Variants in EML5 observed in about 807,000 individuals in gnomAD.
EML5 encodes echinoderm microtubule-associated protein-like 5.
A neutral mutation model predicts 250.0 loss-of-function variants in EML5; 120 were observed. The observed-to-expected ratio is 0.48, with a 90% confidence interval of 0.41 to 0.56. The LOEUF (loss-of-function observed/expected upper bound fraction) is 0.56. EML5 is among the 20% of genes least tolerant of loss of function. The pLI is 0.00. For missense variants in EML5, 2,006 were observed against 2,437.6 expected, an observed-to-expected ratio of 0.82 and a Z score of 3.73; for synonymous variants, 771 against 806.5, an observed-to-expected ratio of 0.96 and a Z score of 0.75.
At position 88,663,083 on chromosome 14, in the gene EML5, T is replaced by C; in HGVS notation, c.3446A>G (p.Gln1149Arg). 6.4e-7 allele frequency: 1 copy of C among 1,554,046 alleles called. No homozygotes were observed. Among genetic ancestry groups the C allele is most frequent in the Non-Finnish European group, 8.7e-7 (1 of 1,148,018 alleles). ...LLQVNTGAKE[Q>R]LFFEAPRGKK... is the part of the protein sequence containing the mutation. ...CCCTCTGGGAGCTTCAAAGAATAAT[T>C]GTTCCTTAGCACCAGTGTTGACCTG... Residue 1149 changes from glutamine (Q) to arginine (R), a missense_variant, in exon 24 of 44, where the codon CAA becomes CGA. This residue lies in a region of EML5 where 1,375 missense variants were observed against 1,590.3 expected (regional missense o/e 0.86). Coordinates refer to ENST00000554922, the MANE Select transcript of EML5 (RefSeq NM_183387.3).
In EML5 at chr14:88,685,113, GTA is replaced by G; in HGVS notation, c.2882_2883del (p.Ile961ThrfsTer18). 1 of 1,600,894 alleles carries G rather than the reference GTA, an allele frequency of 6.2e-7. No homozygotes were observed. The highest frequency in any genetic ancestry group is 8.5e-7 in the Non-Finnish European group (1 of 1,174,008). On this transcript the variant is annotated frameshift_variant, in exon 20 of 44. Transcript: ENST00000554922. LOFTEE classifies it high-confidence loss of function. ...KGLLLEDNPS[I>X]RAISLGHGHI... ...TGACCATGTCCTAATGATATGGCAC[GTA>G]TAGATGGATTATCTTCCAAGAGAAG... is the stretch of plus-strand genomic sequence containing the variant.
At chr14:88,736,297 C>G in intron 7 of EML5, 67 bp downstream of exon 7, 1 of 1,562,982 alleles carries the variant, frequency 6.4e-7, no homozygotes. Context: ...CAGTGCCTGG[C>G]CATGTTTTCT....
intron 7 of EML5, among the ~76,000 whole-genome samples, chr14:88,731,337 C>T (rs1051079753): frequency 8.1e-4 from 121 of 149,410 alleles, no homozygotes; most frequent in African/African-American, 2.5e-3. Context: ...TTTGTCCTTG[C>T]GATAGTTTGC....
At chr14:88,723,777 A>T (rs1178992437) in intron 8 of EML5, among the ~76,000 whole-genome samples, 1 of 152,200 alleles carries the variant, frequency 6.6e-6, no homozygotes, top group Non-Finnish European at 1.5e-5. Flanking sequence ...ATAAATTTTT[A>T]AAAAGGCAGA....
Position 88,695,213 on chromosome 14 carries a change from GAT to G in EML5, c.2438+146_2438+147del. The G allele has an allele frequency of 2.0e-5, 7 of 350,172 alleles. 2 individuals carry two copies. The highest frequency in any genetic ancestry group is 7.2e-5 in the South Asian group (2 of 27,636). 21.7% of individuals were successfully genotyped at this position (350,172 alleles called of 1,614,324 possible). On this transcript the variant is annotated intron_variant, in intron 16 of 43. Coordinates refer to ENST00000554922, the MANE Select transcript of EML5 (RefSeq NM_183387.3). ...AAGAAATTCTGAAATCATTTACTAT[GAT>G]TATATTATTTATTCAATGGTAATAA...
At chr14:88,622,491 C>T (rs148214166) in intron 37 of EML5, 113 bp downstream of exon 37, 1 of 810,048 alleles carries the variant, frequency 1.2e-6, no homozygotes, top group East Asian at 3.0e-5. Flanking sequence ...GCAAGCAAAT[C>T]CATCGTTATG....
In EML5 at chr14:88,643,061, T is replaced by C. The variant is rs765292228; in HGVS notation, c.4108-39A>G. On this transcript the variant is annotated intron_variant, in intron 30 of 43. Transcript: ENST00000554922. Reference sequence around the variant, plus strand: ...AATAAAACCATTATATTCTTCCTCATGTATAAATGTTCACCACTGTTTTGT... The same window carrying C: ...AATAAAACCATTATATTCTTCCTCACGTATAAATGTTCACCACTGTTTTGT... 5.9e-6 allele frequency: 9 copies of C among 1,527,538 alleles called. No homozygotes were observed. In the African/African-American group the frequency reaches 1.0e-4, roughly 17 times the overall value. The allele number at this position is 1,527,538 out of a possible 1,614,324, so 94.6% of individuals were successfully genotyped here.
rs532283705 is a variant in EML5, at chr14:88,747,204, G to A, written c.358-921C>T. On this transcript the variant is annotated intron_variant, in intron 2 of 43. Transcript: ENST00000554922. ...AGGCAGGTGGATTGCTTGAGGCCAG[G>A]AGATTGAGACCAGCCTGGGCAACAC... Among the ~76,000 whole-genome samples, 13 of 152,212 alleles carry A rather than the reference G, an allele frequency of 8.5e-5. 1 individual carries two copies. The South Asian group carries it at 2.7e-3, about 32-fold the overall frequency.
At position 88,655,962 on chromosome 14, in the gene EML5, A is replaced by C. The variant is rs368140827; in HGVS notation, c.4004+1414T>G. ...GAATGGTGATCATTAAAAAGTCAGGAAACAACAGATGCTGGAGAAGATGTG... is the reference window on the plus strand; with the variant it reads ...GAATGGTGATCATTAAAAAGTCAGGCAACAACAGATGCTGGAGAAGATGTG... On this transcript the variant is annotated intron_variant, in intron 27 of 43. Transcript: ENST00000554922. Among the ~76,000 whole-genome samples, 32 of 152,328 alleles carry C rather than the reference A, an allele frequency of 2.1e-4. 1 individual carries two copies. The East Asian group carries it at 3.5e-3, about 17-fold the overall frequency.
Position 88,687,274 on chromosome 14 carries a change from A to C in EML5, c.2796T>G (p.Phe932Leu), listed in dbSNP as rs780788833. 24 of 1,612,524 alleles carry C rather than the reference A, an allele frequency of 1.5e-5. No homozygotes were observed. The highest frequency in any genetic ancestry group is 3.3e-5 in the Admixed American group (2 of 59,858). The change falls in exon 19 of 44, where the codon TTT becomes TTG. Residue 932 changes from phenylalanine to leucine, a missense_variant. Transcript: ENST00000554922. ...DGIVALWDDS[F>L]ERCLKTYAIK... Reference sequence around the variant, plus strand: ...TAGCATAGGTCTTGAGACATCTTTCAAAAGAGTCATCCCAAAGAGCTACTA... The same window carrying C: ...TAGCATAGGTCTTGAGACATCTTTCCAAAGAGTCATCCCAAAGAGCTACTA...
At chr14:88,754,432 T>C (rs2094136188) in intron 2 of EML5, 80 bp downstream of exon 2, 3 of 1,273,720 alleles carry the variant, frequency 2.4e-6, no homozygotes, top group Non-Finnish European at 3.1e-6. Context: ...GTGTCCAATT[T>C]AATATTTATA....
At chr14:88,778,993 TTAGATTG>T in intron 1 of EML5, among the ~76,000 whole-genome samples, 1 of 152,264 alleles carries the variant, frequency 6.6e-6, no homozygotes, top group East Asian at 1.9e-4. Context: ...GCTAAAGCAT[TTAGATTG>T]TAGATTGTAT....
chr14:88,687,684 G>A (rs2092864196), intron 18 of EML5, among the ~76,000 whole-genome samples: 4 of 151,806 alleles, frequency 2.6e-5, no homozygotes, highest in Non-Finnish European at 5.9e-5. Context: ...CTACCTGATG[G>A]ATATGGTGAT....
At chr14:88,685,163 G>A (rs776624852) in intron 19 of EML5, 21 bp from the exon 20 acceptor site, 18 of 1,584,778 alleles carry the variant, frequency 1.1e-5, no homozygotes, top group Admixed American at 3.6e-5. Flanking sequence ...AAATGAAGAT[G>A]TTCTTTTAGA....
chr14:88,783,080 CA>C (rs774937073), intron 1 of EML5, among the ~76,000 whole-genome samples: 1 of 141,290 alleles, frequency 7.1e-6, no homozygotes, highest in Non-Finnish European at 1.5e-5. Flanking sequence ...GACTCCATGT[CA>C]AAAAAAAAGA....
chr14:88,660,668 G>A (rs574114839), intron 25 of EML5, among the ~76,000 whole-genome samples: 9 of 151,878 alleles, frequency 5.9e-5, no homozygotes, highest in African/African-American at 1.5e-4. Context: ...GCTTGAACCC[G>A]GGAGGTGGAG....
intron 19 of EML5, 67 bp from the exon 20 acceptor site, chr14:88,685,209 C>T (rs1595514642): frequency 1.5e-6 from 2 of 1,308,384 alleles, no homozygotes; most frequent in East Asian, 2.6e-5. Context: ...GTATATATTG[C>T]CAATTAAGCT....
At chr14:88,627,303 T>C in intron 34 of EML5, 1 of 515,724 alleles carries the variant, frequency 1.9e-6, no homozygotes, top group East Asian at 3.2e-5. Context: ...ATTATCCTGC[T>C]GATCTGCCAT....
chr14:88,726,155 T>TAAC lies in EML5; in HGVS notation c.1187+383_1187+385dup, dbSNP rs527265995. On this transcript the variant is annotated intron_variant, in intron 8 of 43. Transcript: ENST00000554922. ...ATTTTTTAAAGCATAAGGCTGTAAA[T>TAAC]AACAACAACAACAACAACAACCCCA... 3.2e-4 allele frequency among the ~76,000 whole-genome samples: 49 copies of TAAC among 152,062 alleles called. 1 individual carries two copies. Among genetic ancestry groups the TAAC allele is most frequent in the African/African-American group, 8.7e-4 (36 of 41,516 alleles).
Sources: gnomAD v4.1 joint callset for allele counts (sites outside exome capture counted in the v4.1 genomes callset) on GRCh38, gnomAD v4.1.1 for gene constraint, gnomAD v4.1.1 regional missense constraint, MANE v1.5 for transcripts, NCBI Gene and HGNC (gene_info 2026-07-23, HGNC 2026-07-21) for gene names.